CAST: variants seen among roughly 807,000 people sequenced by gnomAD.
CAST encodes MIR583 host.
In CAST, 76 loss-of-function variants were observed where a neutral mutation model predicts 119.6. The observed-to-expected ratio is 0.64, with a 90% CI of 0.53 to 0.77. CAST has a LOEUF of 0.77. Among genes scored for constraint, CAST ranks in the 30% least tolerant of loss-of-function variants. The pLI, the probability that CAST is intolerant of heterozygous loss-of-function variation, is 0.00. For missense variants in CAST, 953 were observed against 946.5 expected, an observed-to-expected ratio of 1.01 and a Z score of -0.09; for synonymous variants, 319 against 331.6, an observed-to-expected ratio of 0.96 and a Z score of 0.41.
chr5:96,421,279 G>T, the CAST span, among the ~76,000 whole-genome samples: 1 of 152,188 alleles, frequency 6.6e-6, no homozygotes, highest in Non-Finnish European at 1.5e-5. Context: ...TGGGAGTCGG[G>T]TGCTGTCTCC....
chr5:96,289,488 GATGGTTTTA>G, the CAST span, among the ~76,000 whole-genome samples: 3 of 152,116 alleles, frequency 2.0e-5, no homozygotes, highest in Non-Finnish European at 4.4e-5. Context: ...CATGAGGTTT[GATGGTTTTA>G]ATAAGGGGAA....
the CAST span, among the ~76,000 whole-genome samples, chr5:96,019,593 A>T: frequency 2.6e-5 from 4 of 152,204 alleles, no homozygotes; most frequent in East Asian, 7.7e-4. Context: ...AAGCAGCAAA[A>T]CTCTGAAAAA....
chr5:96,058,242 CACA>C, the CAST span, among the ~76,000 whole-genome samples: 4 of 152,238 alleles, frequency 2.6e-5, no homozygotes, highest in Admixed American at 2.6e-4. Flanking sequence ...CTCACAGGAT[CACA>C]ACACCTTCCC....
chr5:96,603,986 T>C (rs1309984844), intron 1 of CAST, among the ~76,000 whole-genome samples: 1 of 152,058 alleles, frequency 6.6e-6, no homozygotes, highest in Non-Finnish European at 1.5e-5. Context: ...GCTAGACTTG[T>C]ATTCCTGTGC....
At chr5:96,662,344 C>T (rs1192183017), upstream of CAST, 23 of 1,224,020 alleles carry the variant, frequency 1.9e-5, no homozygotes, top group Non-Finnish European at 2.3e-5. Flanking sequence ...TCCCTCTCTC[C>T]CTGGCAGGAC....
chr5:96,440,689 A>C, the CAST span, among the ~76,000 whole-genome samples: 1 of 152,270 alleles, frequency 6.6e-6, no homozygotes, highest in East Asian at 1.9e-4. Context: ...ATACATACAC[A>C]TGGGGGAAAT....
the CAST span, among the ~76,000 whole-genome samples, chr5:96,098,476 A>C: frequency 6.6e-6 from 1 of 152,148 alleles, no homozygotes; most frequent in South Asian, 2.1e-4. Context: ...GAAGTCTTTA[A>C]TCCATCTTGA....
chr5:96,110,749 C>G, the CAST span, among the ~76,000 whole-genome samples: 3 of 152,122 alleles, frequency 2.0e-5, no homozygotes, highest in Non-Finnish European at 2.9e-5. Flanking sequence ...TTGGAGATGT[C>G]TAATCTCAGT....
intron 3 of CAST, among the ~76,000 whole-genome samples, chr5:96,705,174 G>C (rs1754687244): frequency 6.6e-6 from 1 of 152,064 alleles, no homozygotes; most frequent in Non-Finnish European, 1.5e-5. Context: ...TTAAAAATTA[G>C]GGCATGGTGG....
intron 1 of CAST, among the ~76,000 whole-genome samples, chr5:96,554,225 G>C (rs1019241090): frequency 5.3e-5 from 8 of 152,166 alleles, no homozygotes; most frequent in African/African-American, 1.7e-4. Flanking sequence ...CAATGGAACA[G>C]AACAGAGGCC....
intron 1 of CAST, among the ~76,000 whole-genome samples, chr5:96,571,273 A>G (rs1746561615): frequency 6.6e-6 from 1 of 152,144 alleles, no homozygotes; most frequent in Non-Finnish European, 1.5e-5. Context: ...ATAAACCAAT[A>G]GCCTAGTCAC....
At chr5:96,717,242 C>G (rs1394745381) in intron 3 of CAST, among the ~76,000 whole-genome samples, 1 of 152,168 alleles carries the variant, frequency 6.6e-6, no homozygotes, top group East Asian at 1.9e-4. Context: ...ACACAGAATG[C>G]ATGGTTCAGT....
chr5:95,992,110 AG>A, the CAST span, among the ~76,000 whole-genome samples: 145 of 152,346 alleles, frequency 9.5e-4, 1 homozygote, highest in South Asian at 8.3e-3. Flanking sequence ...AGCTACTTAA[AG>A]GTTCAGAAGA....
chr5:96,460,519 A>C, the CAST span, among the ~76,000 whole-genome samples: 2 of 151,902 alleles, frequency 1.3e-5, no homozygotes, highest in African/African-American at 4.8e-5. Context: ...CATTCTGCAC[A>C]TGTGTCCCAG....
At chr5:96,289,940 T>TA in the CAST span, among the ~76,000 whole-genome samples, 1,159 of 145,394 alleles carry the variant, frequency 8.0e-3, 13 homozygotes, top group African/African-American at 0.028. Context: ...GGTTTTTTTT[T>TA]TAAAAAAAAC....
the CAST span, among the ~76,000 whole-genome samples, chr5:96,250,268 C>T: frequency 6.6e-6 from 1 of 152,026 alleles, no homozygotes; most frequent in Non-Finnish European, 1.5e-5. Flanking sequence ...CATTTTTCTC[C>T]CAGATAAAAT....
the CAST span, among the ~76,000 whole-genome samples, chr5:96,298,204 C>T: frequency 6.6e-6 from 1 of 152,184 alleles, no homozygotes; most frequent in African/African-American, 2.4e-5. Flanking sequence ...TGTAAGCCAC[C>T]GTTACAAAAC....
At chr5:96,374,750 G>C in the CAST span, among the ~76,000 whole-genome samples, 1 of 152,124 alleles carries the variant, frequency 6.6e-6, no homozygotes, top group East Asian at 1.9e-4. Context: ...CCCTACCAAA[G>C]ACCGATGAGA....
At chr5:96,167,823 T>A in the CAST span, among the ~76,000 whole-genome samples, 1 of 152,134 alleles carries the variant, frequency 6.6e-6, no homozygotes, top group Non-Finnish European at 1.5e-5. Flanking sequence ...ACTCGAGGCA[T>A]GTGAGTAAAG....
Sources: gnomAD v4.1 joint callset for allele counts (sites outside exome capture counted in the v4.1 genomes callset) on GRCh38, gnomAD v4.1.1 for gene constraint, MANE v1.5 for transcripts, NCBI Gene and HGNC (gene_info 2026-07-23, HGNC 2026-07-21) for gene names.